Variants in ANXA10 observed in about 807,000 individuals in gnomAD.
ANXA10 encodes annexin A10.
Under a neutral mutation model 53.5 loss-of-function variants are expected in ANXA10, and 49 were observed. The observed-to-expected ratio is 0.92, with a 90% confidence interval of 0.73 to 1.16. The LOEUF is 1.16. Ranked by LOEUF, ANXA10 falls within the 50% of genes most tolerant of loss-of-function variation. ANXA10 has a pLI of 0.00. For missense variants in ANXA10, 393 were observed against 394.4 expected (o/e 1.00, Z 0.03); for synonymous variants, 131 against 128.9 (o/e 1.02, Z -0.11).
At chr4:168,107,276 CAA>C (rs1186767123) in intron 1 of ANXA10, among the ~76,000 whole-genome samples, 3 of 152,064 alleles carry the variant, frequency 2.0e-5, no homozygotes, top group Non-Finnish European at 4.4e-5. Flanking sequence ...GTAAAGGAAA[CAA>C]AGAGTTTCAG....
intron 1 of ANXA10, among the ~76,000 whole-genome samples, chr4:168,121,579 T>C (rs767684290): frequency 6.6e-6 from 1 of 152,140 alleles, no homozygotes; most frequent in Non-Finnish European, 1.5e-5. Context: ...ATCTCAAAAA[T>C]TTGATTAAAA....
At chr4:168,132,287 C>T (rs982263578) in intron 2 of ANXA10, among the ~76,000 whole-genome samples, 1 of 152,020 alleles carries the variant, frequency 6.6e-6, no homozygotes, top group Admixed American at 6.6e-5. Context: ...GAGTACAATT[C>T]GACCATAAAA....
chr4:168,165,374 A>T, intron 6 of ANXA10, 48 bp downstream of exon 6: 10 of 928,156 alleles, frequency 1.1e-5, no homozygotes, highest in Non-Finnish European at 1.5e-5. Flanking sequence ...TAAGCAAATA[A>T]GTATATGTCA....
chr4:168,096,936 A>T (rs911266778), intron 1 of ANXA10, among the ~76,000 whole-genome samples: 14 of 148,024 alleles, frequency 9.5e-5, no homozygotes, highest in African/African-American at 3.5e-4. Flanking sequence ...ATATGTATGT[A>T]TATGTATATA....
chr4:168,140,878 C>G (rs1261669338), intron 3 of ANXA10, among the ~76,000 whole-genome samples: 2 of 152,164 alleles, frequency 1.3e-5, no homozygotes, highest in African/African-American at 4.8e-5. Flanking sequence ...CCTCGGCCTC[C>G]CAAAGTGTTG....
At chr4:168,110,055 A>C (rs1168611998) in intron 1 of ANXA10, among the ~76,000 whole-genome samples, 1 of 152,152 alleles carries the variant, frequency 6.6e-6, no homozygotes, top group African/African-American at 2.4e-5. Context: ...CTAAAAATAC[A>C]AAAGAATTAG....
At chr4:168,127,217 T>G (rs979201578) in intron 1 of ANXA10, among the ~76,000 whole-genome samples, 2 of 152,148 alleles carry the variant, frequency 1.3e-5, no homozygotes, top group Admixed American at 1.3e-4. Flanking sequence ...TAATGCACCA[T>G]GTGGATCACA....
intron 6 of ANXA10, among the ~76,000 whole-genome samples, chr4:168,169,030 T>C (rs886630203): frequency 6.6e-5 from 10 of 152,192 alleles, no homozygotes; most frequent in African/African-American, 1.7e-4. Context: ...GGATTATCCA[T>C]GTCAGTGGAG....
At chr4:168,183,892 T>C (rs563565002) in intron 10 of ANXA10, among the ~76,000 whole-genome samples, 1 of 152,346 alleles carries the variant, frequency 6.6e-6, no homozygotes, top group East Asian at 1.9e-4. Context: ...TTCTGTTTTC[T>C]GGCCACTAGA....
intron 2 of ANXA10, among the ~76,000 whole-genome samples, chr4:168,133,264 C>T (rs1277890301): frequency 2.6e-5 from 4 of 151,974 alleles, no homozygotes; most frequent in African/African-American, 9.7e-5. Flanking sequence ...AGTTATAGTA[C>T]TGTTGACCAT....
intron 2 of ANXA10, among the ~76,000 whole-genome samples, chr4:168,131,173 T>G (rs1731151606): frequency 6.6e-6 from 1 of 152,016 alleles, no homozygotes; most frequent in African/African-American, 2.4e-5. Flanking sequence ...AGTCATATTT[T>G]TACTTTCAAT....
intron 1 of ANXA10, among the ~76,000 whole-genome samples, chr4:168,095,478 C>A (rs1481821939): frequency 6.6e-6 from 1 of 151,810 alleles, no homozygotes; most frequent in Non-Finnish European, 1.5e-5. Context: ...ATATTTCTTA[C>A]CTAAAATAGC....
In ANXA10 at chr4:168,097,269, TTAAAG is replaced by T. The variant is rs533039020; in HGVS notation, c.18+4556_18+4560del. Among the ~76,000 whole-genome samples, 184 of 152,158 alleles carry T rather than the reference TTAAAG, an allele frequency of 1.2e-3. 1 individual carries two copies. The highest frequency in any genetic ancestry group is 3.8e-3 in the African/African-American group (157 of 41,528). ...AAATGCCCTGCCTGAACTGCTCTTATTAAAGTAAACAATGACCTTCATATGGTTAA... is the reference window on the plus strand; with the variant it reads ...AAATGCCCTGCCTGAACTGCTCTTATTAAACAATGACCTTCATATGGTTAA... On this transcript the variant is annotated intron_variant, in intron 1 of 11. Coordinates refer to ENST00000359299, the MANE Select transcript of ANXA10 (RefSeq NM_007193.5).
chr4:168,104,866 C>T (rs1171383529), intron 1 of ANXA10, among the ~76,000 whole-genome samples: 2 of 151,668 alleles, frequency 1.3e-5, no homozygotes, highest in Non-Finnish European at 2.9e-5. Flanking sequence ...CTACCTCCTG[C>T]TTGCATTGCA....
Position 168,179,271 on chromosome 4 carries a change from A to G in ANXA10, c.683A>G (p.Glu228Gly), listed in dbSNP as rs761346677. 6 of 1,612,158 alleles carry G rather than the reference A, an allele frequency of 3.7e-6. No homozygotes were observed. The highest frequency in any genetic ancestry group is 5.1e-6 in the Non-Finnish European group (6 of 1,179,162). Residue 228 changes from glutamate to glycine, a missense_variant, in exon 9 of 12, where the codon GAA becomes GGA. Coordinates refer to ENST00000359299, the MANE Select transcript of ANXA10 (RefSeq NM_007193.5). ...CAAGATATGGTAGATGCCATTAATG[A>G]ATGTTATGATGGATACTTTCAGGAG... is the stretch of plus-strand genomic sequence containing the variant. ...SGQDMVDAINECYDGYFQELL... is the reference protein window; with the variant it reads ...SGQDMVDAINGCYDGYFQELL...
chr4:168,153,442 C>CAAAAAAAAAAAAAAAAAAAAA (rs1560782282), intron 3 of ANXA10, among the ~76,000 whole-genome samples: 1 of 42,932 alleles, frequency 2.3e-5, no homozygotes, highest in Non-Finnish European at 4.8e-5. Context: ...AAAAAAAAAA[C>CAAAAAAAAAAAAAAAAAAAAA]AAAAACAAAA....
At chr4:168,175,900 C>T (rs967417990) in intron 6 of ANXA10, among the ~76,000 whole-genome samples, 1 of 152,098 alleles carries the variant, frequency 6.6e-6, no homozygotes, top group African/African-American at 2.4e-5. Flanking sequence ...TTCTCATATG[C>T]CTCTAGCTTT....
chr4:168,108,159 G>C (rs189088948), intron 1 of ANXA10, among the ~76,000 whole-genome samples: 1 of 152,094 alleles, frequency 6.6e-6, no homozygotes, highest in African/African-American at 2.4e-5. Flanking sequence ...CAGTGAGGAC[G>C]ACCAGGGGTC....
intron 1 of ANXA10, among the ~76,000 whole-genome samples, chr4:168,111,458 T>A (rs1173361912): frequency 6.6e-6 from 1 of 151,504 alleles, no homozygotes; most frequent in Non-Finnish European, 1.5e-5. Context: ...AAAAAAAGAG[T>A]AGAAAAGCAT....
Sources: gnomAD v4.1 joint callset for allele counts (sites outside exome capture counted in the v4.1 genomes callset) on GRCh38, gnomAD v4.1.1 for gene constraint, MANE v1.5 for transcripts, NCBI Gene and HGNC (gene_info 2026-07-23, HGNC 2026-07-21) for gene names.